The following SARNP variants were observed in gnomAD, a reference collection of about 807,000 sequenced individuals.
SARNP encodes the protein SAP domain containing ribonucleoprotein.
A neutral mutation model predicts 38.1 loss-of-function variants in SARNP; 5 were observed. The ratio of observed to expected loss-of-function variants is 0.13; its 90% CI spans 0.07 to 0.28. The LOEUF (loss-of-function observed/expected upper bound fraction) is 0.28, where lower values mean the gene tolerates loss of function less well. Ranked by LOEUF, SARNP falls within the 10% of genes least tolerant of loss-of-function variation. The pLI, the probability that SARNP is intolerant of heterozygous loss-of-function variation, is 1.00. For missense variants in SARNP, 180 were observed against 243.9 expected (o/e 0.74, Z 1.75); for synonymous variants, 84 against 80.6 (o/e 1.04, Z -0.23).
intron 4 of SARNP, among the ~76,000 whole-genome samples, chr12:55,798,660 A>G (rs1178552462): frequency 6.6e-6 from 1 of 152,188 alleles, no homozygotes; most frequent in Non-Finnish European, 1.5e-5. Flanking sequence ...TTTTTTAATG[A>G]ATAATCTAAA....
chr12:55,758,881 G>A (rs537636154), intron 10 of SARNP, among the ~76,000 whole-genome samples: 3 of 151,076 alleles, frequency 2.0e-5, no homozygotes, highest in Admixed American at 2.0e-4. Flanking sequence ...CTCCTTTACA[G>A]CAATGCAAGA....
intron 9 of SARNP, among the ~76,000 whole-genome samples, chr12:55,766,830 C>T (rs1051614887): frequency 1.3e-5 from 2 of 152,100 alleles, no homozygotes; most frequent in Non-Finnish European, 2.9e-5. Flanking sequence ...CCATGTTGCC[C>T]AGGCTGGTCT....
intron 9 of SARNP, among the ~76,000 whole-genome samples, chr12:55,784,842 A>G (rs564204343): frequency 6.6e-6 from 1 of 152,354 alleles, no homozygotes; most frequent in African/African-American, 2.4e-5. Context: ...TTAAATTAGG[A>G]TAGTTCTGAA....
intron 9 of SARNP, among the ~76,000 whole-genome samples, chr12:55,763,457 G>C (rs780518441): frequency 1.3e-5 from 2 of 151,854 alleles, no homozygotes; most frequent in Non-Finnish European, 1.5e-5. Context: ...GACTACATGC[G>C]CACGCCACCA....
intron 10 of SARNP, 68 bp downstream of exon 10, chr12:55,760,483 T>A (rs752483010): frequency 8.0e-6 from 7 of 869,912 alleles, no homozygotes; most frequent in Non-Finnish European, 1.2e-5. Flanking sequence ...GAAACAATAT[T>A]TCTCCATTCA....
chr12:55,771,738 T>C (rs550710377), intron 9 of SARNP, among the ~76,000 whole-genome samples: 106 of 152,256 alleles, frequency 7.0e-4, no homozygotes, highest in African/African-American at 2.5e-3. Context: ...AAGATGTTAA[T>C]AGTTCTCAGG....
At chr12:55,813,461 G>A (rs927283307) in intron 1 of SARNP, among the ~76,000 whole-genome samples, 2 of 151,704 alleles carry the variant, frequency 1.3e-5, no homozygotes, top group African/African-American at 2.4e-5. Context: ...CAGCATATGT[G>A]AAGGTTCTAG....
chr12:55,767,243 A>G (rs1324556276), intron 9 of SARNP, among the ~76,000 whole-genome samples: 1 of 152,154 alleles, frequency 6.6e-6, no homozygotes, highest in Non-Finnish European at 1.5e-5. Context: ...ATTCTTCTAG[A>G]TAAGAAGTGA....
At chr12:55,756,997 TTC>T (rs1227502683), downstream of SARNP, 3 of 152,298 alleles carry the variant, frequency 2.0e-5, no homozygotes, top group Non-Finnish European at 4.4e-5. Flanking sequence ...ACCTCCCATG[TTC>T]TGTTTTATTT....
intron 4 of SARNP, among the ~76,000 whole-genome samples, chr12:55,799,964 C>T (rs913589757): frequency 2.6e-5 from 4 of 151,740 alleles, no homozygotes; most frequent in Admixed American, 6.6e-5. Context: ...CCAAGGCAGA[C>T]GGATCATTTG....
At chr12:55,811,858 TTAAAA>T (rs1880338338) in intron 1 of SARNP, among the ~76,000 whole-genome samples, 1 of 152,218 alleles carries the variant, frequency 6.6e-6, no homozygotes, top group Non-Finnish European at 1.5e-5. Flanking sequence ...AGCATTATCT[TTAAAA>T]TATATCCAAA....
intron 9 of SARNP, among the ~76,000 whole-genome samples, chr12:55,767,562 T>C (rs1175252859): frequency 6.0e-5 from 9 of 150,766 alleles, no homozygotes; most frequent in Non-Finnish European, 1.0e-4. Context: ...AATATACAAA[T>C]ACAAGCCGGG....
At chr12:55,781,521 G>A (rs1344631751) in intron 9 of SARNP, among the ~76,000 whole-genome samples, 6 of 130,628 alleles carry the variant, frequency 4.6e-5, no homozygotes, top group Non-Finnish European at 8.0e-5. Context: ...GCAAAAGAGC[G>A]AAACTCCGTC....
downstream of SARNP, chr12:55,756,047 G>C (rs2136172707): frequency 6.6e-6 from 1 of 152,300 alleles, no homozygotes; most frequent in South Asian, 2.1e-4. Flanking sequence ...GAAACCATTA[G>C]TGAATCTATA....
At chr12:55,815,200 G>T (rs1880446045) in intron 1 of SARNP, among the ~76,000 whole-genome samples, 1 of 152,310 alleles carries the variant, frequency 6.6e-6, no homozygotes, top group South Asian at 2.1e-4. Flanking sequence ...TGGGACTACA[G>T]GTGTGTGCCA....
intron 1 of SARNP, among the ~76,000 whole-genome samples, chr12:55,815,494 C>T (rs1880454719): frequency 6.6e-6 from 1 of 152,136 alleles, no homozygotes; most frequent in South Asian, 2.1e-4. Flanking sequence ...GTCTCACTGT[C>T]CCCCAGGCTG....
intron 1 of SARNP, among the ~76,000 whole-genome samples, chr12:55,805,298 C>T (rs988106273): frequency 4.6e-5 from 7 of 152,190 alleles, no homozygotes; most frequent in African/African-American, 1.7e-4. Context: ...CATATTACAA[C>T]GACTAGCAAA....
At chr12:55,784,121 T>C (rs937634319) in intron 9 of SARNP, among the ~76,000 whole-genome samples, 2 of 152,188 alleles carry the variant, frequency 1.3e-5, no homozygotes, top group Admixed American at 6.6e-5. Flanking sequence ...TTTTTCATTG[T>C]CTTGTTTAGA....
At chr12:55,790,617 T>A in intron 7 of SARNP, 25 bp from the exon 8 acceptor site, 2 of 1,477,412 alleles carry the variant, frequency 1.4e-6, no homozygotes, top group South Asian at 2.7e-5. Context: ...AAAGTTTTAT[T>A]TAATATTTTT....
Sources: gnomAD v4.1 joint callset for allele counts (sites outside exome capture counted in the v4.1 genomes callset) on GRCh38, gnomAD v4.1.1 for gene constraint, MANE v1.5 for transcripts, NCBI Gene and HGNC (gene_info 2026-07-23, HGNC 2026-07-21) for gene names.